The following PHACTR3 variants were observed in gnomAD, a reference collection of about 807,000 sequenced individuals.
The protein encoded by PHACTR3 is phosphatase and actin regulator 3, also known as protein phosphatase 1, regulatory subunit 123.
PHACTR3 carries 16 observed loss-of-function variants against 66.8 expected under a neutral mutation model. That is an observed-to-expected ratio of 0.24 (90% confidence interval 0.16 to 0.36). The LOEUF (loss-of-function observed/expected upper bound fraction) is 0.36. Among genes scored for constraint, PHACTR3 ranks in the 10% least tolerant of loss-of-function variants. The probability of loss-of-function intolerance (pLI) is 1.00; values close to 1 mark genes in which losing one functional copy is unlikely to be tolerated. For synonymous variants in PHACTR3, 323 were observed against 292.1 expected (o/e 1.11, Z -1.08); for missense variants, 647 against 719.9 (o/e 0.90, Z 1.16).
At chr20:59,818,614 T>C (rs1330652241) in intron 8 of PHACTR3, among the ~76,000 whole-genome samples, 1 of 152,228 alleles carries the variant, frequency 6.6e-6, no homozygotes, top group Non-Finnish European at 1.5e-5. Flanking sequence ...CCTAGAATGG[T>C]ACTGAGTCCT....
In PHACTR3 at chr20:59,816,039, G is replaced by A. The variant is rs144251007; in HGVS notation, c.1328+9845G>A. Among the ~76,000 whole-genome samples the A allele has an allele frequency of 3.0e-3, 451 of 152,024 alleles. 2 individuals carry two copies. Among genetic ancestry groups the A allele is most frequent in the African/African-American group, 0.01 (428 of 41,418 alleles). ...AGTTTATCTCTATTATTATTACATT[G>A]TAATATATAATGAAGTTATTATACA... On this transcript the variant is annotated intron_variant, in intron 8 of 12. Coordinates refer to ENST00000371015, the MANE Select transcript of PHACTR3 (RefSeq NM_080672.5).
chr20:59,620,661 G>C (rs1020682985), intron 1 of PHACTR3, among the ~76,000 whole-genome samples: 6 of 152,330 alleles, frequency 3.9e-5, no homozygotes, highest in African/African-American at 1.4e-4. Context: ...GATGTTGACT[G>C]TGGTTGCTCA....
intron 1 of PHACTR3, among the ~76,000 whole-genome samples, chr20:59,580,210 A>C (rs932231677): frequency 6.6e-6 from 1 of 152,130 alleles, no homozygotes; most frequent in Non-Finnish European, 1.5e-5. Flanking sequence ...ACCCCAGTGC[A>C]AATGCCAAGT....
chr20:59,629,304 C>A (rs2034579073), intron 1 of PHACTR3, among the ~76,000 whole-genome samples: 1 of 152,174 alleles, frequency 6.6e-6, no homozygotes, highest in Non-Finnish European at 1.5e-5. Flanking sequence ...GAGGCTCAAG[C>A]CTTTACCCCA....
chr20:59,708,627 C>T (rs1339437933), intron 1 of PHACTR3, among the ~76,000 whole-genome samples: 3 of 152,176 alleles, frequency 2.0e-5, no homozygotes, highest in African/African-American at 7.2e-5. Context: ...TATTTAGGTC[C>T]TGCTTCATGG....
chr20:59,713,525 T>A (rs78103519), intron 1 of PHACTR3, among the ~76,000 whole-genome samples: 8,788 of 152,296 alleles, frequency 0.058, 752 homozygotes, highest in African/African-American at 0.19. Context: ...ATGTAATGTT[T>A]TGTATCTGTC....
intron 1 of PHACTR3, among the ~76,000 whole-genome samples, chr20:59,668,970 A>T (rs969875114): frequency 4.6e-5 from 7 of 150,582 alleles, no homozygotes; most frequent in Non-Finnish European, 8.9e-5. Context: ...CTGGTCTTGA[A>T]CTCCTGACCT....
At position 59,707,607 on chromosome 20, in the gene PHACTR3, G is replaced by C. The variant is rs966812257; in HGVS notation, c.119-35500G>C. Among the ~76,000 whole-genome samples, 5 of 152,044 alleles carry C rather than the reference G, an allele frequency of 3.3e-5. No individual in the cohort carries two copies. The South Asian group carries it at 8.3e-4, about 25-fold the overall frequency. ...TCAGCCTCCCGAGTGGCTGGGACTAGGGGGCATGCCACCAAGCCTGGCTAA... is the reference window on the plus strand; with the variant it reads ...TCAGCCTCCCGAGTGGCTGGGACTACGGGGCATGCCACCAAGCCTGGCTAA... On this transcript the variant is annotated intron_variant, in intron 1 of 12. Coordinates refer to ENST00000371015, the MANE Select transcript of PHACTR3 (RefSeq NM_080672.5).
At chr20:59,676,499 A>T (rs1481528416) in intron 1 of PHACTR3, among the ~76,000 whole-genome samples, 4 of 148,194 alleles carry the variant, frequency 2.7e-5, no homozygotes, top group East Asian at 2.0e-4. Flanking sequence ...ATCTATATTT[A>T]AAAATGTTGA....
chr20:59,590,580 G>A (rs1317839782), intron 1 of PHACTR3, among the ~76,000 whole-genome samples: 2 of 152,150 alleles, frequency 1.3e-5, no homozygotes, highest in Admixed American at 6.5e-5. Flanking sequence ...TAAGAAGGAG[G>A]CCTGAGGGGA....
intron 1 of PHACTR3, among the ~76,000 whole-genome samples, chr20:59,580,539 G>A (rs932247004): frequency 1.1e-4 from 16 of 151,334 alleles, no homozygotes; most frequent in South Asian, 6.3e-4. Flanking sequence ...GTGCTGACTC[G>A]TAGTGGGTTA....
chr20:59,632,365 A>T (rs944331939), intron 1 of PHACTR3, among the ~76,000 whole-genome samples: 6 of 152,258 alleles, frequency 3.9e-5, no homozygotes, highest in African/African-American at 1.4e-4. Context: ...TGGTTCTCAG[A>T]TGGGCTCATG....
At chr20:59,805,011 T>C (rs1266009799) in intron 7 of PHACTR3, among the ~76,000 whole-genome samples, 1 of 152,184 alleles carries the variant, frequency 6.6e-6, no homozygotes, top group African/African-American at 2.4e-5. Flanking sequence ...ACTGCAAAAC[T>C]GCAACCTACA....
chr20:59,673,756 C>A (rs2036276392), intron 1 of PHACTR3, among the ~76,000 whole-genome samples: 1 of 151,940 alleles, frequency 6.6e-6, no homozygotes, highest in African/African-American at 2.4e-5. Context: ...TGCCTCAGAG[C>A]TGCAGAAGGT....
At chr20:59,701,246 G>A (rs758016291) in intron 1 of PHACTR3, among the ~76,000 whole-genome samples, 18 of 152,182 alleles carry the variant, frequency 1.2e-4, no homozygotes, top group Admixed American at 6.5e-4. Context: ...TGCCTGGCCC[G>A]TGTCTTCGTA....
intron 1 of PHACTR3, among the ~76,000 whole-genome samples, chr20:59,667,142 T>C (rs1428766510): frequency 6.6e-6 from 1 of 152,152 alleles, no homozygotes; most frequent in Non-Finnish European, 1.5e-5. Context: ...AGTTCCCAGG[T>C]TGTCATTTAA....
At chr20:59,737,073 G>T (rs2038969315) in intron 1 of PHACTR3, among the ~76,000 whole-genome samples, 1 of 152,244 alleles carries the variant, frequency 6.6e-6, no homozygotes, top group African/African-American at 2.4e-5. Context: ...TTCTGAATCA[G>T]GTTCAAGTCC....
At chr20:59,757,301 C>T (rs1233382007) in intron 4 of PHACTR3, among the ~76,000 whole-genome samples, 2 of 152,252 alleles carry the variant, frequency 1.3e-5, no homozygotes, top group Non-Finnish European at 2.9e-5. Flanking sequence ...CTTCTGACCT[C>T]AGACACGCTC....
chr20:59,585,941 G>A (rs1179531797), intron 1 of PHACTR3, among the ~76,000 whole-genome samples: 9 of 152,168 alleles, frequency 5.9e-5, no homozygotes, highest in African/African-American at 9.7e-5. Flanking sequence ...GTGGAAGCTG[G>A]CTCTTCCTCC....
Sources: gnomAD v4.1 joint callset for allele counts (sites outside exome capture counted in the v4.1 genomes callset) on GRCh38, gnomAD v4.1.1 for gene constraint, MANE v1.5 for transcripts, NCBI Gene and HGNC (gene_info 2026-07-23, HGNC 2026-07-21) for gene names.